The following LIN28B variants were observed in gnomAD, a reference collection of about 807,000 sequenced individuals.
LIN28B encodes protein lin-28 homolog B.
A neutral mutation model predicts 21.9 loss-of-function variants in LIN28B; 5 were observed. That is an observed-to-expected ratio of 0.23 (90% confidence interval 0.12 to 0.48). LIN28B has a LOEUF of 0.48. Ranked by LOEUF, LIN28B falls within the 20% of genes least tolerant of loss-of-function variation. LIN28B has a pLI of 0.98. For missense variants in LIN28B, 245 were observed against 310.5 expected (o/e 0.79, Z 1.58); for synonymous variants, 109 against 111.3 (o/e 0.98, Z 0.13).
intron 3 of LIN28B, among the ~76,000 whole-genome samples, chr6:105,059,826 CTAAA>C (rs1772092337): frequency 6.6e-6 from 1 of 152,004 alleles, no homozygotes; most frequent in South Asian, 2.1e-4. Context: ...CCCTTTAGTA[CTAAA>C]TATTCTTTTT....
At chr6:105,059,005 T>C (rs1772076162) in intron 3 of LIN28B, among the ~76,000 whole-genome samples, 1 of 152,334 alleles carries the variant, frequency 6.6e-6, no homozygotes, top group South Asian at 2.1e-4. Flanking sequence ...TAAGATATGC[T>C]TGTCAGACTT....
intron 2 of LIN28B, among the ~76,000 whole-genome samples, chr6:104,972,044 C>T (rs1373971952): frequency 2.0e-5 from 3 of 152,166 alleles, no homozygotes; most frequent in Non-Finnish European, 2.9e-5. Context: ...AGTCTCGGCT[C>T]ACTGCAGCCT....
chr6:104,968,894 A>C (rs1388303617), intron 2 of LIN28B, among the ~76,000 whole-genome samples: 1 of 152,162 alleles, frequency 6.6e-6, no homozygotes, highest in East Asian at 1.9e-4. Context: ...TATTTAATAG[A>C]TCATTAACAT....
At chr6:104,997,634 G>C (rs1035621240) in intron 2 of LIN28B, among the ~76,000 whole-genome samples, 4 of 151,070 alleles carry the variant, frequency 2.6e-5, no homozygotes, top group African/African-American at 9.8e-5. Flanking sequence ...AATGTTTTCA[G>C]GTTGAGAGGT....
chr6:104,964,169 A>T lies in LIN28B; in HGVS notation c.198+5883A>T, dbSNP rs36042711. ...AGCTCTTTTGGTTTGTGATTAACTT[A>T]AAAGTTGCTACTTAAAAATAAGATG... On this transcript the variant is annotated intron_variant, in intron 2 of 3. Transcript: ENST00000345080. Among the ~76,000 whole-genome samples, 1,216 of 152,290 alleles carry T rather than the reference A, an allele frequency of 8.0e-3. 13 individuals carry two copies. Among genetic ancestry groups the T allele is most frequent in the Non-Finnish European group, 0.014 (956 of 68,022 alleles).
At chr6:104,966,549 C>G (rs1385026418) in intron 2 of LIN28B, among the ~76,000 whole-genome samples, 3 of 149,268 alleles carry the variant, frequency 2.0e-5, no homozygotes, top group Non-Finnish European at 4.4e-5. Context: ...AAACTCCTGA[C>G]TCAAGCAATT....
chr6:105,020,345 T>A (rs1055313662), intron 2 of LIN28B, among the ~76,000 whole-genome samples: 2 of 109,622 alleles, frequency 1.8e-5, no homozygotes, highest in African/African-American at 8.3e-5. Context: ...ACAGCAAGGA[T>A]TTTTTTTTTT....
chr6:104,942,967 A>G (rs1162017015), intron 2 of LIN28B, among the ~76,000 whole-genome samples: 1 of 152,174 alleles, frequency 6.6e-6, no homozygotes, highest in East Asian at 1.9e-4. Flanking sequence ...GTCAGACTGT[A>G]TGGTGTCTTA....
At chr6:105,074,761 A>G (rs1772394508) in intron 3 of LIN28B, among the ~76,000 whole-genome samples, 1 of 152,224 alleles carries the variant, frequency 6.6e-6, no homozygotes, top group African/African-American at 2.4e-5. Flanking sequence ...GCTGGAATGC[A>G]GTGAATCAAT....
intron 3 of LIN28B, among the ~76,000 whole-genome samples, chr6:105,070,574 C>CT (rs1423176066): frequency 8.8e-6 from 1 of 113,968 alleles, no homozygotes; most frequent in African/African-American, 3.3e-5. Context: ...TGGCAAAACT[C>CT]TATCTCTATC....
intron 3 of LIN28B, among the ~76,000 whole-genome samples, chr6:105,053,794 A>G (rs1771965897): frequency 6.6e-6 from 1 of 151,610 alleles, no homozygotes. Flanking sequence ...GTGCAATGGC[A>G]CAATCTCAGC....
At chr6:105,036,686 C>T (rs889203002) in intron 3 of LIN28B, among the ~76,000 whole-genome samples, 62 of 152,044 alleles carry the variant, frequency 4.1e-4, no homozygotes, top group African/African-American at 1.4e-3. Flanking sequence ...GGCAAATAAT[C>T]AGAATTTTAG....
At chr6:105,024,354 T>A (rs1412027580) in intron 2 of LIN28B, among the ~76,000 whole-genome samples, 4 of 152,192 alleles carry the variant, frequency 2.6e-5, no homozygotes, top group African/African-American at 7.2e-5. Context: ...TAATAAAAAA[T>A]GCTGTTTCTT....
intron 2 of LIN28B, among the ~76,000 whole-genome samples, chr6:104,991,160 C>T (rs1249670786): frequency 6.6e-6 from 1 of 150,430 alleles, no homozygotes; most frequent in Non-Finnish European, 1.5e-5. Context: ...CCCCCCACCT[C>T]CCGGACAGGG....
intron 3 of LIN28B, among the ~76,000 whole-genome samples, chr6:105,072,494 CAG>C (rs1480878561): frequency 2.6e-5 from 4 of 151,982 alleles, no homozygotes; most frequent in African/African-American, 9.7e-5. Context: ...ATTAAGGTAA[CAG>C]AGGGGCATGA....
intron 2 of LIN28B, among the ~76,000 whole-genome samples, chr6:104,985,810 T>G (rs1770326796): frequency 6.6e-6 from 1 of 152,220 alleles, no homozygotes; most frequent in Admixed American, 6.5e-5. Context: ...ATACAGTTAA[T>G]TTTTGAGCAG....
At chr6:105,051,700 C>G (rs1313280001) in intron 3 of LIN28B, among the ~76,000 whole-genome samples, 1 of 150,208 alleles carries the variant, frequency 6.7e-6, no homozygotes, top group Non-Finnish European at 1.5e-5. Flanking sequence ...AGTTGTAATC[C>G]TGTGCAGTTA....
chr6:104,959,845 A>G (rs987903717), intron 2 of LIN28B, among the ~76,000 whole-genome samples: 1 of 152,136 alleles, frequency 6.6e-6, no homozygotes, highest in Non-Finnish European at 1.5e-5. Context: ...AATTTGTTTT[A>G]TAGATGAATG....
chr6:104,947,691 GTATTT>G (rs1778172203), intron 2 of LIN28B, among the ~76,000 whole-genome samples: 1 of 149,692 alleles, frequency 6.7e-6, no homozygotes. Context: ...TGTAATATAT[GTATTT>G]TATATTTATA....
Sources: allele counts gnomAD v4.1 joint callset (sites outside exome capture counted in the v4.1 genomes callset), GRCh38; gene constraint gnomAD v4.1.1; transcripts MANE v1.5; gene names NCBI Gene and HGNC (gene_info 2026-07-23, HGNC 2026-07-21).